Variants in GAS2 observed in about 807,000 individuals in gnomAD.
The protein encoded by GAS2 is growth arrest-specific protein 2.
In GAS2, 20 loss-of-function variants were observed where a neutral mutation model predicts 37.5. That is an observed-to-expected ratio of 0.53 (90% CI 0.37 to 0.77). The LOEUF (loss-of-function observed/expected upper bound fraction) is 0.77, where lower values mean the gene tolerates loss of function less well. Ranked by LOEUF, GAS2 falls within the 30% of genes least tolerant of loss-of-function variation. The pLI, the probability that GAS2 is intolerant of heterozygous loss-of-function variation, is 0.00. For synonymous variants in GAS2, 144 were observed against 132.2 expected, an observed-to-expected ratio of 1.09 and a Z score of -0.61; for missense variants, 336 against 373.4, an observed-to-expected ratio of 0.90 and a Z score of 0.82.
At chr11:22,795,971 GA>G (rs1427084692) in intron 7 of GAS2, among the ~76,000 whole-genome samples, 2 of 152,110 alleles carry the variant, frequency 1.3e-5, no homozygotes, top group Admixed American at 6.6e-5. Context: ...ATTTTACTGT[GA>G]AAATTTTCAT....
chr11:22,801,926 A>G (rs1429962844), intron 7 of GAS2, among the ~76,000 whole-genome samples: 1 of 152,112 alleles, frequency 6.6e-6, no homozygotes, highest in Non-Finnish European at 1.5e-5. Context: ...ACACATAATT[A>G]AGCATCACAG....
At chr11:22,748,252 A>G (rs576948914) in intron 5 of GAS2, among the ~76,000 whole-genome samples, 1 of 152,198 alleles carries the variant, frequency 6.6e-6, no homozygotes, top group South Asian at 2.1e-4. Flanking sequence ...TATTTTCTCT[A>G]GATCTCTATT....
intron 1 of GAS2, among the ~76,000 whole-genome samples, chr11:22,652,945 C>G (rs940227913): frequency 1.0e-4 from 10 of 99,130 alleles, no homozygotes; most frequent in Non-Finnish European, 2.1e-4. Context: ...TTGGCTCCTC[C>G]ACAACCTCTT....
intron 1 of GAS2, among the ~76,000 whole-genome samples, chr11:22,631,063 TTTG>T (rs1858739084): frequency 6.6e-6 from 1 of 152,170 alleles, no homozygotes; most frequent in Non-Finnish European, 1.5e-5. Context: ...TTTCCTCTTC[TTTG>T]TTAAGTAAAT....
At chr11:22,652,993 G>GTCTTTTTTTCTTTCTTTCTT (rs1554965876) in intron 1 of GAS2, among the ~76,000 whole-genome samples, 1 of 97,036 alleles carries the variant, frequency 1.0e-5, no homozygotes, top group Middle Eastern at 5.1e-3. Flanking sequence ...TTCTTTCTTT[G>GTCTTTTTTTCTTTCTTTCTT]TCTTTCTTTC....
At chr11:22,660,658 G>T (rs112614581) in intron 1 of GAS2, among the ~76,000 whole-genome samples, 45 of 152,330 alleles carry the variant, frequency 3.0e-4, no homozygotes, top group South Asian at 1.5e-3. Flanking sequence ...TCTGCTAAAT[G>T]TAGTGACTAC....
At position 22,775,858 on chromosome 11, in the gene GAS2, A is replaced by G. The variant is rs143872690; in HGVS notation, c.723+19905A>G. Among the ~76,000 whole-genome samples the G allele has an allele frequency of 3.9e-5, 6 of 152,302 alleles. 1 individual carries two copies. The East Asian group carries it at 1.2e-3, about 29-fold the overall frequency. ...TAATTTAGTACATGGCTTGTTTAGC[A>G]TAGAAGAACTGTAAAAAATATAGAG... is the stretch of plus-strand genomic sequence containing the variant. On this transcript the variant is annotated intron_variant, in intron 7 of 7. Transcript: ENST00000454584.
intron 3 of GAS2, among the ~76,000 whole-genome samples, chr11:22,726,080 A>C (rs1406039289): frequency 1.3e-5 from 2 of 152,106 alleles, no homozygotes; most frequent in Non-Finnish European, 2.9e-5. Context: ...CCTAGGTACT[A>C]AAAAGAAAAG....
At chr11:22,693,235 A>G (rs1464675505) in intron 3 of GAS2, among the ~76,000 whole-genome samples, 1 of 152,220 alleles carries the variant, frequency 6.6e-6, no homozygotes, top group Non-Finnish European at 1.5e-5. Context: ...TGTCAAACAT[A>G]TGCAAACTGA....
Position 22,648,644 on chromosome 11 carries a change from T to C in GAS2, c.-21+22831T>C, listed in dbSNP as rs911689557. On this transcript the variant is annotated intron_variant, in intron 1 of 5. Transcript: ENST00000528582. The stretch of plus-strand genomic sequence containing the variant: ...CTCCTTGAAGAGGTCCTTCACATCC[T>C]TTGTAGGTTGGATTCCTAGGTATTT... 2.6e-5 allele frequency among the ~76,000 whole-genome samples: 4 copies of C among 152,312 alleles called. No homozygotes were observed. The East Asian group carries it at 5.8e-4, about 22-fold the overall frequency.
chr11:22,648,331 G>C (rs11026715), intron 1 of GAS2, among the ~76,000 whole-genome samples: 103,620 of 151,824 alleles, frequency 0.68, 39,765 homozygotes, highest in East Asian at 0.89. Flanking sequence ...TTGTAGCCTT[G>C]TAGTATAGTT....
chr11:22,758,332 A>C (rs1854163124), intron 7 of GAS2, among the ~76,000 whole-genome samples: 1 of 152,128 alleles, frequency 6.6e-6, no homozygotes. Flanking sequence ...GCGTATTTTA[A>C]ACTTTGTCAT....
chr11:22,792,336 T>G (rs999115996), intron 7 of GAS2, among the ~76,000 whole-genome samples: 1 of 152,066 alleles, frequency 6.6e-6, no homozygotes, highest in Non-Finnish European at 1.5e-5. Context: ...TTTATACACA[T>G]TTTTCTCTAC....
At chr11:22,798,984 A>G (rs1856547236) in intron 7 of GAS2, among the ~76,000 whole-genome samples, 1 of 152,044 alleles carries the variant, frequency 6.6e-6, no homozygotes, top group East Asian at 1.9e-4. Context: ...TCCTCTGGAG[A>G]GCAGATGACT....
intron 2 of GAS2, 42 bp downstream of exon 2, chr11:22,675,056 T>A (rs1849362413): frequency 6.3e-7 from 1 of 1,595,424 alleles, no homozygotes; most frequent in Non-Finnish European, 8.5e-7. Context: ...AGACAACAGT[T>A]TTTGTTTTAT....
intron 7 of GAS2, among the ~76,000 whole-genome samples, chr11:22,776,754 G>C (rs1855281110): frequency 6.6e-6 from 1 of 152,144 alleles, no homozygotes; most frequent in Admixed American, 6.5e-5. Context: ...TTTCTCAAAA[G>C]TTCCAGCCTT....
chr11:22,805,811 G>T (rs906142966), intron 7 of GAS2, among the ~76,000 whole-genome samples: 2 of 152,104 alleles, frequency 1.3e-5, no homozygotes, highest in African/African-American at 4.8e-5. Context: ...TAAACAAGGG[G>T]TAGACTATTC....
chr11:22,695,502 T>G (rs1196445990), intron 3 of GAS2, among the ~76,000 whole-genome samples: 1 of 152,094 alleles, frequency 6.6e-6, no homozygotes, highest in Non-Finnish European at 1.5e-5. Context: ...TGCTATTTTC[T>G]TACCCAACCT....
intron 3 of GAS2, among the ~76,000 whole-genome samples, chr11:22,699,149 A>G (rs1286541644): frequency 2.6e-5 from 4 of 152,098 alleles, no homozygotes. Context: ...AATATAACAT[A>G]TTTTTCTGAG....
Sources: gnomAD v4.1 joint callset for allele counts (sites outside exome capture counted in the v4.1 genomes callset) on GRCh38, gnomAD v4.1.1 for gene constraint, MANE v1.5 for transcripts, NCBI Gene and HGNC (gene_info 2026-07-23, HGNC 2026-07-21) for gene names.